The following RPA1 variants were observed in gnomAD, a reference collection of about 807,000 sequenced individuals.
RPA1 encodes the protein replication protein A1.
A neutral mutation model predicts 83.0 loss-of-function variants in RPA1; 49 were observed. That is an observed-to-expected ratio of 0.59 (90% CI 0.47 to 0.75). The LOEUF (loss-of-function observed/expected upper bound fraction) is 0.75, where lower values mean the gene tolerates loss of function less well. Among genes scored for constraint, RPA1 ranks in the 30% least tolerant of loss-of-function variants. The probability of loss-of-function intolerance (pLI) is 0.00; values close to 1 mark genes in which losing one functional copy is unlikely to be tolerated. For synonymous variants in RPA1, 279 were observed against 281.8 expected (o/e 0.99, Z 0.10); for missense variants, 693 against 776.1 (o/e 0.89, Z 1.27).
chr17:1,838,661 A>T (rs916645772), intron 1 of RPA1, among the ~76,000 whole-genome samples: 2 of 150,954 alleles, frequency 1.3e-5, no homozygotes, highest in African/African-American at 4.8e-5. Context: ...CAAATCTTTT[A>T]TGCTGTGTTT....
At chr17:1,886,413 A>T (rs1754199965) in intron 13 of RPA1, among the ~76,000 whole-genome samples, 2 of 152,254 alleles carry the variant, frequency 1.3e-5, no homozygotes, top group African/African-American at 4.8e-5. Context: ...ATTCGCGCCT[A>T]ACAGGAGAGT....
intron 5 of RPA1, among the ~76,000 whole-genome samples, chr17:1,869,962 C>G (rs1329460395): frequency 6.6e-6 from 1 of 152,088 alleles, no homozygotes; most frequent in Non-Finnish European, 1.5e-5. Context: ...ATTACCAGAT[C>G]TCACAACTAG....
chr17:1,830,797 TCACTGTCGCCCAGG>T (rs966579373), intron 1 of RPA1, among the ~76,000 whole-genome samples: 1 of 150,796 alleles, frequency 6.6e-6, no homozygotes, highest in African/African-American at 2.4e-5. Flanking sequence ...TGGGCGACAC[TCACTGTCGCCCAGG>T]CTGGAGTGCA....
chr17:1,872,820 A>G (rs890521886), intron 6 of RPA1, among the ~76,000 whole-genome samples: 7 of 146,068 alleles, frequency 4.8e-5, no homozygotes, highest in Non-Finnish European at 1.0e-4. Context: ...AGCTGGTACT[A>G]TGGGCGCATG....
At chr17:1,890,355 C>A (rs17292350) in intron 14 of RPA1, among the ~76,000 whole-genome samples, 1 of 151,548 alleles carries the variant, frequency 6.6e-6, no homozygotes, top group Non-Finnish European at 1.5e-5. Context: ...CAGAGTCAGA[C>A]CCTGTCTTTA....
chr17:1,837,553 T>C (rs1320165822), intron 1 of RPA1, among the ~76,000 whole-genome samples: 2 of 152,214 alleles, frequency 1.3e-5, no homozygotes, highest in Non-Finnish European at 2.9e-5. Context: ...CCTTTTCCAG[T>C]GTGATCATGA....
rs1913700257 is a variant in RPA1 at position 1,879,575 on chromosome 17, G to T, written c.968G>T (p.Cys323Phe). The T allele has an allele frequency of 6.2e-7, 1 of 1,614,100 alleles. No homozygotes were observed. Among genetic ancestry groups the T allele is most frequent in the Non-Finnish European group, 8.5e-7 (1 of 1,180,054 alleles). The change falls in exon 11 of 17, where the codon TGC becomes TTC. Residue 323 changes from cysteine to phenylalanine, a missense_variant. By Grantham distance (205) the Cys-to-Phe change is radical (BLOSUM62 -2). Coordinates refer to ENST00000254719, the MANE Select transcript of RPA1 (RefSeq NM_002945.5). The stretch of plus-strand genomic sequence containing the variant: ...TGTGTTTTAGACATCATCGGGATCT[G>T]CAAGAGCTATGAAGACGCCACTAAA... ...KDSLVDIIGI[C>F]KSYEDATKIT...
Position 1,844,560 on chromosome 17 carries a change from A to C in RPA1, c.164-18A>C, listed in dbSNP as rs1912185184. ...ACTGCAGGATTTTGGAGGCTAAAGAAATCTCTGTGGTTTTCAGCTTTCATG... is the reference window on the plus strand; with the variant it reads ...ACTGCAGGATTTTGGAGGCTAAAGACATCTCTGTGGTTTTCAGCTTTCATG... On this transcript the variant is annotated intron_variant, in intron 3 of 16. Coordinates refer to ENST00000254719, the MANE Select transcript of RPA1 (RefSeq NM_002945.5). 1.0e-5 allele frequency: 16 copies of C among 1,605,934 alleles called. No homozygotes were observed. The highest frequency in any genetic ancestry group is 3.4e-5 in the Admixed American group (2 of 59,490).
chr17:1,871,461 G>A (rs1208447016), intron 5 of RPA1, among the ~76,000 whole-genome samples: 5 of 152,116 alleles, frequency 3.3e-5, no homozygotes, highest in Non-Finnish European at 7.3e-5. Context: ...GGTGGCAGGT[G>A]GGAAGCCCTC....
At chr17:1,860,973 A>G (rs1000816647) in intron 5 of RPA1, among the ~76,000 whole-genome samples, 2 of 151,996 alleles carry the variant, frequency 1.3e-5, no homozygotes, top group Non-Finnish European at 2.9e-5. Flanking sequence ...CTGAATCGAG[A>G]CCTGACAGAC....
At chr17:1,853,272 A>C in intron 5 of RPA1, 83 bp downstream of exon 5, 1 of 1,056,348 alleles carries the variant, frequency 9.5e-7, no homozygotes, top group Non-Finnish European at 1.5e-6. Flanking sequence ...ATTCAGTTTG[A>C]CTTGTTAGTG....
chr17:1,830,429 C>T (rs888476454), intron 1 of RPA1, among the ~76,000 whole-genome samples: 1 of 152,226 alleles, frequency 6.6e-6, no homozygotes, highest in Non-Finnish European at 1.5e-5. Flanking sequence ...CTTTCCCCAC[C>T]CACAGCCAAA....
intron 4 of RPA1, among the ~76,000 whole-genome samples, chr17:1,844,888 A>T (rs1381931644): frequency 6.6e-6 from 1 of 152,136 alleles, no homozygotes; most frequent in East Asian, 1.9e-4. Flanking sequence ...AGAATGCAGA[A>T]ATCTTGTTAT....
Position 1,830,119 on chromosome 17 carries a change from C to A in RPA1, c.26C>A (p.Ala9Asp), listed in dbSNP as rs965554082. MVGQLSEG[A>D]IAAIMQKGDT... ...ATGGTCGGCCAACTGAGCGAGGGGG[C>A]CATTGCGGTGAGGAGGTGCCGGGGG... The change falls in exon 1 of 17, where the codon GCC becomes GAC. Residue 9 changes from alanine to aspartate, a missense_variant. Transcript: ENST00000254719. 2.9e-5 allele frequency: 36 copies of A among 1,248,304 alleles called. No individual in the cohort carries two copies. The highest frequency in any genetic ancestry group is 3.2e-5 in the Non-Finnish European group (32 of 988,294). 77.3% of individuals were successfully genotyped at this position (1,248,304 alleles called of 1,614,324 possible).
intron 1 of RPA1, among the ~76,000 whole-genome samples, chr17:1,832,756 A>AT (rs1239515196): frequency 1.3e-5 from 2 of 152,208 alleles, no homozygotes; most frequent in Non-Finnish European, 2.9e-5. Context: ...AATGAGAGCA[A>AT]TGATATCTAT....
At chr17:1,873,276 A>G (rs193081043) in intron 6 of RPA1, among the ~76,000 whole-genome samples, 1 of 152,314 alleles carries the variant, frequency 6.6e-6, no homozygotes, top group African/African-American at 2.4e-5. Flanking sequence ...TGGATGAGAA[A>G]TGGTTTCTTC....
intron 12 of RPA1, 90 bp downstream of exon 12, chr17:1,880,781 A>T (rs1036321845): frequency 1.9e-6 from 3 of 1,541,522 alleles, no homozygotes; most frequent in Non-Finnish European, 2.6e-6. Flanking sequence ...TCTGCCAAGC[A>T]GAAGCCTTCG....
intron 6 of RPA1, among the ~76,000 whole-genome samples, chr17:1,873,070 G>A (rs17338767): frequency 0.024 from 3,633 of 152,192 alleles, 155 homozygotes; most frequent in African/African-American, 0.082. Flanking sequence ...TAGTTTCTTC[G>A]TTTCCCACAT....
chr17:1,897,236 C>A lies in RPA1; in HGVS notation c.*61C>A. The A allele has an allele frequency of 7.9e-7, 1 of 1,267,742 alleles. No individual in the cohort carries two copies. The highest frequency in any genetic ancestry group is 1.1e-6 in the Non-Finnish European group (1 of 905,772). 78.5% of individuals were successfully genotyped at this position (1,267,742 alleles called of 1,614,324 possible). On this transcript the variant is annotated 3_prime_UTR_variant, in exon 17 of 17. Coordinates refer to ENST00000254719, the MANE Select transcript of RPA1 (RefSeq NM_002945.5). ...AGGCAGAATGGAATCGATTTCCTCC[C>A]ACCTCCGTGTGACGATCCCATGTTA...
Sources: gnomAD v4.1 joint callset for allele counts (sites outside exome capture counted in the v4.1 genomes callset) on GRCh38, gnomAD v4.1.1 for gene constraint, MANE v1.5 for transcripts, NCBI Gene and HGNC (gene_info 2026-07-23, HGNC 2026-07-21) for gene names.